The following LEPROTL1 variants were observed in gnomAD, a reference collection of about 807,000 sequenced individuals.
LEPROTL1 encodes leptin receptor overlapping transcript like 1, also known as leptin receptor overlapping transcript-like 1.
Under a neutral mutation model 15.4 loss-of-function variants are expected in LEPROTL1, and 6 were observed. That is an observed-to-expected ratio of 0.39 (90% CI 0.21 to 0.77). The LOEUF (loss-of-function observed/expected upper bound fraction) is 0.77. LEPROTL1 is among the 30% of genes least tolerant of loss of function. LEPROTL1 has a pLI of 0.41. For missense variants in LEPROTL1, 128 were observed against 158.1 expected, an observed-to-expected ratio of 0.81 and a Z score of 1.02; for synonymous variants, 56 against 52.6, an observed-to-expected ratio of 1.06 and a Z score of -0.28.
rs908197357 is a variant in LEPROTL1 at position 30,108,406 on chromosome 8, C to A, written c.*2544C>A. On this transcript the variant is annotated 3_prime_UTR_variant, in exon 4 of 4. Transcript: ENST00000321250. ...AATTTTCAGAACATTTTTATGACTT[C>A]TTATTATGTATTTATTACCACTCAT... 2.0e-5 allele frequency: 3 copies of A among 152,054 alleles called. No homozygotes were observed. The highest frequency in any genetic ancestry group is 1.3e-4 in the Admixed American group (2 of 15,260). The allele number at this position is 152,054 out of a possible 1,614,324, so 9.4% of individuals were successfully genotyped here.
At position 30,095,453 on chromosome 8, in the gene LEPROTL1, C is replaced by T. The variant is rs1190088624; in HGVS notation, c.-60C>T. ...GCCGCCGTAGCGCGTCTTGGGTCTC[C>T]CGGCTGCCGCTGCTGCCGCCGCCGC... On this transcript the variant is annotated 5_prime_UTR_variant, in exon 1 of 4. Coordinates refer to ENST00000321250, the MANE Select transcript of LEPROTL1 (RefSeq NM_015344.3). 1.1e-5 allele frequency: 16 copies of T among 1,460,434 alleles called. No homozygotes were observed. Among genetic ancestry groups the T allele is most frequent in the Non-Finnish European group, 1.4e-5 (16 of 1,109,544 alleles). The allele number at this position is 1,460,434 out of a possible 1,614,324, so 90.5% of individuals were successfully genotyped here. A position where few individuals can be genotyped will look rare whatever the true frequency, so the allele number is the denominator to read the frequency against.
intron 4 of LEPROTL1, among the ~76,000 whole-genome samples, chr8:30,134,914 C>G (rs1803106498): frequency 6.6e-6 from 1 of 152,106 alleles, no homozygotes; most frequent in Admixed American, 6.6e-5. Flanking sequence ...CGGTCTCACT[C>G]TATCACCCAG....
chr8:30,126,085 A>T (rs1451893867), intron 3 of LEPROTL1, among the ~76,000 whole-genome samples: 1 of 152,202 alleles, frequency 6.6e-6, no homozygotes, highest in Non-Finnish European at 1.5e-5. Flanking sequence ...TCTAATCAGG[A>T]TAATTACTAA....
At chr8:30,127,127 T>C (rs1348812674) in intron 3 of LEPROTL1, among the ~76,000 whole-genome samples, 1 of 152,194 alleles carries the variant, frequency 6.6e-6, no homozygotes, top group Non-Finnish European at 1.5e-5. Context: ...CATTTCAATC[T>C]ATAAATAATG....
rs769663229 is a variant in LEPROTL1 at position 30,104,319 on chromosome 8, G to T, written c.112G>T (p.Val38Phe). Residue 38 changes from valine (V) to phenylalanine (F), a missense_variant, in exon 3 of 4, where the codon GTT becomes TTT. Physicochemically the swap from Val to Phe is conservative, Grantham distance 50. Transcript: ENST00000321250. ...PIYNKYWPLF[V>F]LFFYILSPIP... ...TTCTAGCAAATACTGGCCCCTCTTT[G>T]TTCTATTTTTTTACATCCTTTCACC... 1 of 1,539,230 alleles carries T rather than the reference G, an allele frequency of 6.5e-7. No homozygotes were observed. Among genetic ancestry groups the T allele is most frequent in the Non-Finnish European group, 8.8e-7 (1 of 1,141,026 alleles).
At chr8:30,117,592 C>T (rs1802761061) in intron 3 of LEPROTL1, 1 of 1,434,140 alleles carries the variant, frequency 7.0e-7, no homozygotes, top group Admixed American at 1.7e-5. Context: ...AGGTTCACAA[C>T]AATTTTCCCA....
At chr8:30,132,089 A>C in intron 3 of LEPROTL1, 2 of 1,551,784 alleles carry the variant, frequency 1.3e-6, no homozygotes, top group Non-Finnish European at 1.7e-6. Context: ...GCAATGATCA[A>C]CTGGGTGTGG....
intron 3 of LEPROTL1, among the ~76,000 whole-genome samples, chr8:30,120,561 T>C (rs1232904371): frequency 6.6e-6 from 1 of 152,152 alleles, no homozygotes. Flanking sequence ...GATGGGTTCT[T>C]TCTCTGTCAC....
At chr8:30,100,509 G>A (rs1802448215) in intron 1 of LEPROTL1, among the ~76,000 whole-genome samples, 1 of 152,150 alleles carries the variant, frequency 6.6e-6, no homozygotes, top group South Asian at 2.1e-4. Flanking sequence ...GAATGCAAAG[G>A]CGCAGTCTAG....
intron 2 of LEPROTL1, 102 bp from the exon 3 acceptor site, chr8:30,104,198 T>C (rs1245369348): frequency 3.1e-6 from 2 of 642,170 alleles, no homozygotes; most frequent in Non-Finnish European, 4.9e-6. Flanking sequence ...TATCATCCAT[T>C]AGAAGTCAAG....
intron 3 of LEPROTL1, chr8:30,131,851 T>C: frequency 2.8e-6 from 4 of 1,426,192 alleles, no homozygotes; most frequent in Non-Finnish European, 2.8e-6. Flanking sequence ...AATTTTATTA[T>C]GGAAAAGTTC....
chr8:30,101,572 G>A (rs1236331220), intron 1 of LEPROTL1, among the ~76,000 whole-genome samples: 1 of 151,626 alleles, frequency 6.6e-6, no homozygotes, highest in East Asian at 1.9e-4. Context: ...GGAGGCTGAG[G>A]CAGGAGAATC....
Position 30,106,899 on chromosome 8 carries a change from G to T in LEPROTL1, c.*1037G>T. On this transcript the variant is annotated 3_prime_UTR_variant, in exon 4 of 4. Transcript: ENST00000321250. ...TTCAAATATAGTTTAATAACACTTAGAAGTGTTTACTTACCTGGAAAATAA... is the reference window on the plus strand; with the variant it reads ...TTCAAATATAGTTTAATAACACTTATAAGTGTTTACTTACCTGGAAAATAA... 1.0e-6 allele frequency: 1 copy of T among 977,606 alleles called. No homozygotes were observed. Among genetic ancestry groups the T allele is most frequent in the Non-Finnish European group, 1.2e-6 (1 of 822,566 alleles). The allele number at this position is 977,606 out of a possible 1,614,324, so 60.6% of individuals were successfully genotyped here.
At chr8:30,130,103 C>T (rs1802979247) in intron 3 of LEPROTL1, among the ~76,000 whole-genome samples, 1 of 152,116 alleles carries the variant, frequency 6.6e-6, no homozygotes, top group South Asian at 2.1e-4. Flanking sequence ...TATCAAAAAG[C>T]TTATTTGCAA....
At chr8:30,128,331 T>C (rs1585478298) in intron 3 of LEPROTL1, among the ~76,000 whole-genome samples, 1 of 152,314 alleles carries the variant, frequency 6.6e-6, no homozygotes, top group African/African-American at 2.4e-5. Context: ...AAATTACCCC[T>C]GGCCATCAGT....
intron 3 of LEPROTL1, among the ~76,000 whole-genome samples, chr8:30,123,652 T>A (rs1396317389): frequency 2.6e-5 from 4 of 152,202 alleles, no homozygotes; most frequent in Non-Finnish European, 5.9e-5. Context: ...ACCTCAAGTA[T>A]GAAGTATGTT....
intron 3 of LEPROTL1, among the ~76,000 whole-genome samples, chr8:30,131,069 C>T (rs886176889): frequency 2.0e-5 from 3 of 151,812 alleles, no homozygotes; most frequent in Non-Finnish European, 2.9e-5. Flanking sequence ...GCTGGGATTA[C>T]AGGTGTGAGC....
chr8:30,104,355 T>C lies in LEPROTL1; in HGVS notation c.148T>C (p.Cys50Arg). 6.2e-7 allele frequency: 1 copy of C among 1,608,910 alleles called. No homozygotes were observed. Among genetic ancestry groups the C allele is most frequent in the Non-Finnish European group, 8.5e-7 (1 of 1,177,026 alleles). Residue 50 changes from cysteine (C) to arginine (R), a missense_variant, in exon 3 of 4, where the codon TGC becomes CGC. Transcript: ENST00000321250. ...FFYILSPIPY[C>R]IARRLVDDTD... ...TTACATCCTTTCACCTATTCCATAC[T>C]GCATAGCAAGAAGATTAGTGGATGA...
chr8:30,117,532 G>T, intron 3 of LEPROTL1: 1 of 1,314,784 alleles, frequency 7.6e-7, no homozygotes, highest in Non-Finnish European at 1.1e-6. Flanking sequence ...TCTTTGAGTT[G>T]CACATCAAAT....
Sources: allele counts gnomAD v4.1 joint callset (sites outside exome capture counted in the v4.1 genomes callset), GRCh38; gene constraint gnomAD v4.1.1; transcripts MANE v1.5; gene names NCBI Gene and HGNC (gene_info 2026-07-23, HGNC 2026-07-21).